The following HYLS1 variants were observed in gnomAD, a reference collection of about 807,000 sequenced individuals.
HYLS1 encodes the protein centriolar and ciliogenesis-associated protein HYLS1.
HYLS1 carries 25 observed loss-of-function variants against 29.4 expected under a neutral mutation model. That is an observed-to-expected ratio of 0.85 (90% CI 0.62 to 1.19). HYLS1 has a LOEUF of 1.19. HYLS1 is among the 50% of genes most tolerant of loss of function. HYLS1 has a pLI of 0.00. For missense variants in HYLS1, 352 were observed against 365.1 expected (o/e 0.96, Z 0.29); for synonymous variants, 128 against 126.7 (o/e 1.01, Z -0.07).
At chr11:125,893,256 A>G (rs988628465) in intron 2 of HYLS1, among the ~76,000 whole-genome samples, 1 of 152,044 alleles carries the variant, frequency 6.6e-6, no homozygotes, top group Admixed American at 6.5e-5. Flanking sequence ...ACATTTACCA[A>G]CCTCTGCACT....
At chr11:125,888,583 A>G (rs1403069712) in intron 1 of HYLS1, among the ~76,000 whole-genome samples, 1 of 151,910 alleles carries the variant, frequency 6.6e-6, no homozygotes, top group Non-Finnish European at 1.5e-5. Flanking sequence ...AGCCCGACCA[A>G]TACGGTGAAA....
At chr11:125,895,639 A>G (rs1007076107) in intron 2 of HYLS1, 2 of 1,614,254 alleles carry the variant, frequency 1.2e-6, no homozygotes, top group Non-Finnish European at 1.7e-6. Context: ...ACAGGGGCCC[A>G]GGCCAATATA....
At position 125,897,612 on chromosome 11, in the gene HYLS1, A is replaced by T. The variant is rs534460549; in HGVS notation, c.-25-1732A>T. On this transcript the variant is annotated intron_variant, in intron 2 of 2. Coordinates refer to ENST00000425380, the MANE Select transcript of HYLS1 (RefSeq NM_001134793.2). The stretch of plus-strand genomic sequence containing the variant: ...AGAAAAAAGCTTATAAAAATTTTTT[A>T]AAAAAAATTTTAAATGCTCAATTTT... Among the ~76,000 whole-genome samples, 458 of 152,186 alleles carry T rather than the reference A, an allele frequency of 3.0e-3. 5 individuals carry two copies. Among genetic ancestry groups the T allele is most frequent in the Middle Eastern group, 6.8e-3 (2 of 294 alleles).
intron 1 of HYLS1, 199 bp downstream of exon 1, chr11:125,887,964 T>TA (rs1307691048): frequency 2.7e-5 from 4 of 150,050 alleles, no homozygotes; most frequent in Admixed American, 1.3e-4. Flanking sequence ...CAGCGTGAGC[T>TA]ACAGGCGATG....
rs1466408686 is a variant in HYLS1, at chr11:125,899,992, C to T, written c.624C>T (p.Gly208=). 2 of 1,614,078 alleles carry T rather than the reference C, an allele frequency of 1.2e-6. No homozygotes were observed. Among genetic ancestry groups the T allele is most frequent in the South Asian group, 1.1e-5 (1 of 91,080 alleles). Residue 208 remains glycine, a synonymous_variant, in exon 3 of 3, where the codon GGC becomes GGT. Transcript: ENST00000425380. ...PKLDQLSRNR[G]KTDRVARYFE... is the part of the protein sequence containing the mutation. ...TGGACCAGTTAAGCCGAAACCGGGGCAAGACAGACCGGGTAGCCCGGTATT... is the reference window on the plus strand; with the variant it reads ...TGGACCAGTTAAGCCGAAACCGGGGTAAGACAGACCGGGTAGCCCGGTATT...
rs1307233110 is a variant in HYLS1, at chr11:125,900,166, A to G, written c.798A>G (p.Val266=). The part of the protein sequence containing the change: ...QHIYVPNNYL[V]PTEKKRSALR... ...TATATGTCCCAAACAATTATCTAGT[A>G]CCAACAGAGAAGAAAAGGTCTGCAC... Residue 266 remains valine, a synonymous_variant, in exon 3 of 3, where the codon GTA becomes GTG. Coordinates refer to ENST00000425380, the MANE Select transcript of HYLS1 (RefSeq NM_001134793.2). The G allele has an allele frequency of 1.2e-6, 2 of 1,614,078 alleles. No homozygotes were observed. The highest frequency in any genetic ancestry group is 1.3e-5 in the African/African-American group (1 of 74,926).
upstream of HYLS1, among the ~76,000 whole-genome samples, chr11:125,886,318 G>T (rs144332447): frequency 6.6e-6 from 1 of 152,168 alleles, no homozygotes. Flanking sequence ...GGCAAAGAGG[G>T]AGAGTAAGAG....
At chr11:125,896,011 T>C (rs1416210277) in intron 2 of HYLS1, 2 of 1,614,214 alleles carry the variant, frequency 1.2e-6, no homozygotes, top group Non-Finnish European at 1.7e-6. Flanking sequence ...TCAAACAGTT[T>C]CTCTTCAATG....
Position 125,900,178 on chromosome 11 carries a change from GA to G in HYLS1, c.814del (p.Arg272GlyfsTer32). The G allele has an allele frequency of 6.2e-7, 1 of 1,614,184 alleles. No individual in the cohort carries two copies. The highest frequency in any genetic ancestry group is 8.5e-7 in the Non-Finnish European group (1 of 1,180,026). ...ACAATTATCTAGTACCAACAGAGAA[GA>G]AAAGGTCTGCACTCCGTTGGGGTGT... ...PNNYLVPTEKKRSALRWGVRC... is the reference protein window; with the variant it reads ...PNNYLVPTEKXRSALRWGVRC... On this transcript the variant is annotated frameshift_variant, in exon 3 of 3. Coordinates refer to ENST00000425380, the MANE Select transcript of HYLS1 (RefSeq NM_001134793.2). LOFTEE classifies it high-confidence loss of function.
At chr11:125,883,700 C>G (rs945858877), upstream of HYLS1, 1 of 152,174 alleles carries the variant, frequency 6.6e-6, no homozygotes, top group Non-Finnish European at 1.5e-5. Flanking sequence ...ATGGCGAAAC[C>G]CTGTCTCTAT....
At chr11:125,893,663 T>C in intron 2 of HYLS1, 1 of 802,256 alleles carries the variant, frequency 1.2e-6, no homozygotes, top group Non-Finnish European at 1.8e-6. Flanking sequence ...TCTTTTTGCT[T>C]TTTTTTTTCT....
intron 2 of HYLS1, among the ~76,000 whole-genome samples, chr11:125,897,908 T>C (rs1159328247): frequency 6.6e-6 from 1 of 152,228 alleles, no homozygotes; most frequent in Non-Finnish European, 1.5e-5. Context: ...GATACTCGTG[T>C]TAGCATCAGT....
chr11:125,888,577 C>T (rs895376391), intron 1 of HYLS1, among the ~76,000 whole-genome samples: 9 of 151,504 alleles, frequency 5.9e-5, no homozygotes, highest in Non-Finnish European at 1.2e-4. Context: ...GAGACCAGCC[C>T]GACCAATACG....
Position 125,900,110 on chromosome 11 carries a change from C to G in HYLS1, c.742C>G (p.Arg248Gly), listed in dbSNP as rs1223865695. 4 of 1,614,096 alleles carry G rather than the reference C, an allele frequency of 2.5e-6. No individual in the cohort carries two copies. Among genetic ancestry groups the G allele is most frequent in the South Asian group, 1.1e-5 (1 of 91,052 alleles). ...RWGVREQMLC[R>G]AEPQSKPQHI... The stretch of plus-strand genomic sequence containing the variant: ...GGGTGTCCGAGAGCAGATGCTTTGT[C>G]GAGCAGAACCCCAATCCAAACCTCA... The change falls in exon 3 of 3, where the codon CGA (arginine) becomes GGA (glycine). Residue 248 changes from arginine (R) to glycine (G), a missense_variant. By Grantham distance (125) the Arg-to-Gly change is moderately radical. Transcript: ENST00000425380.
rs1944595363 is a variant in HYLS1, at chr11:125,896,462, A to C, written c.-25-2882A>C. On this transcript the variant is annotated intron_variant, in intron 2 of 2. Transcript: ENST00000425380. ...TTCCAGGAATACAAGCATTAGCTTT[A>C]TTGTGGGTTGATCATCCACAGATAG... 24 of 638,818 alleles carry C rather than the reference A, an allele frequency of 3.8e-5. 1 individual carries two copies. The South Asian group carries it at 5.1e-4, about 13-fold the overall frequency. 39.6% of individuals were successfully genotyped at this position (638,818 alleles called of 1,614,324 possible). A position where few individuals can be genotyped will look rare whatever the true frequency, so the allele number is the denominator to read the frequency against.
rs202024861 is a variant in HYLS1 at position 125,900,092 on chromosome 11, C to T, written c.724C>T (p.Arg242Ter). ...TAGAAAGGAATTACGCTGGGGTGTC[C>T]GAGAGCAGATGCTTTGTCGAGCAGA... ...DHRKELRWGVREQMLCRAEPQ... is the reference protein window; with the variant it reads ...DHRKELRWGV Residue 242 changes from arginine (R) to a stop codon, truncating the protein, a stop_gained, in exon 3 of 3, where the codon CGA (arginine) becomes TGA (stop). Coordinates refer to ENST00000425380, the MANE Select transcript of HYLS1 (RefSeq NM_001134793.2). LOFTEE classifies it high-confidence loss of function. 1.6e-5 allele frequency: 26 copies of T among 1,614,102 alleles called. No homozygotes were observed. The Admixed American group carries it at 2.8e-4, about 18-fold the overall frequency.
chr11:125,892,182 T>G (rs993087413), intron 2 of HYLS1, among the ~76,000 whole-genome samples: 1 of 152,128 alleles, frequency 6.6e-6, no homozygotes, highest in Non-Finnish European at 1.5e-5. Context: ...GAGTAAGAAT[T>G]TAGTGACTAC....
At position 125,897,522 on chromosome 11, in the gene HYLS1, TA is replaced by T. The variant is rs367854387; in HGVS notation, c.-25-1808del. Among the ~76,000 whole-genome samples, 298 of 147,310 alleles carry T rather than the reference TA, an allele frequency of 2.0e-3. 1 individual carries two copies. Among genetic ancestry groups the T allele is most frequent in the Middle Eastern group, 6.9e-3 (2 of 288 alleles). ...ATATACATCAGTTTTAATGAAAAAG[TA>T]AAAAAAAAAAAAATCCAGCAACCTG... On this transcript the variant is annotated intron_variant, in intron 2 of 2. Transcript: ENST00000425380.
intron 2 of HYLS1, among the ~76,000 whole-genome samples, chr11:125,896,887 T>C (rs1390874945): frequency 6.6e-6 from 1 of 152,172 alleles, no homozygotes; most frequent in Non-Finnish European, 1.5e-5. Flanking sequence ...ACATTGGAAG[T>C]AGAAGCTAGA....
Sources: gnomAD v4.1 joint callset for allele counts (sites outside exome capture counted in the v4.1 genomes callset) on GRCh38, gnomAD v4.1.1 for gene constraint, MANE v1.5 for transcripts, NCBI Gene and HGNC (gene_info 2026-07-23, HGNC 2026-07-21) for gene names.